Variants in ANKS1B observed in about 807,000 individuals in gnomAD.
ANKS1B encodes ankyrin repeat and sterile alpha motif domain containing 1B.
ANKS1B carries 36 observed loss-of-function variants against 148.3 expected under a neutral mutation model. That is an observed-to-expected ratio of 0.24 (90% CI 0.19 to 0.32). ANKS1B has a LOEUF of 0.32. ANKS1B is among the 10% of genes least tolerant of loss of function. The pLI, the probability that ANKS1B is intolerant of heterozygous loss-of-function variation, is 1.00. For missense variants in ANKS1B, 1,157 were observed against 1,542.6 expected (o/e 0.75, Z 4.19); for synonymous variants, 542 against 560.8 (o/e 0.97, Z 0.47).
At chr12:99,155,344 T>C (rs1191143983) in intron 14 of ANKS1B, among the ~76,000 whole-genome samples, 1 of 152,174 alleles carries the variant, frequency 6.6e-6, no homozygotes, top group Non-Finnish European at 1.5e-5. Context: ...TATTTTTTTC[T>C]TTTTTGAAAT....
intron 12 of ANKS1B, among the ~76,000 whole-genome samples, 167 bp downstream of exon 12, chr12:99,399,464 G>C (rs2094344121): frequency 6.6e-6 from 1 of 152,026 alleles, no homozygotes; most frequent in South Asian, 2.1e-4. Context: ...TATTCAAAAA[G>C]AATATTACAG....
chr12:99,915,023 C>A (rs982434048), intron 1 of ANKS1B, among the ~76,000 whole-genome samples: 1 of 151,820 alleles, frequency 6.6e-6, no homozygotes, highest in African/African-American at 2.4e-5. Context: ...ATCAGGAGTT[C>A]AAGACCAACT....
rs1402972486 is a variant in ANKS1B at position 99,622,254 on chromosome 12, A to G, written c.1272+32813T>C. ...ATGCAGCAAAAGCACTGTTAGTAGG[A>G]AAGTTTATAGCACTAATTGCCTACT... On this transcript the variant is annotated intron_variant, in intron 9 of 26. Coordinates refer to ENST00000683438, the MANE Select transcript of ANKS1B (RefSeq NM_001352186.2). 2.0e-5 allele frequency among the ~76,000 whole-genome samples: 3 copies of G among 152,070 alleles called. No individual in the cohort carries two copies. The East Asian group carries it at 5.8e-4, about 29-fold the overall frequency.
At chr12:99,587,397 C>A (rs781436145) in intron 9 of ANKS1B, among the ~76,000 whole-genome samples, 14 of 152,084 alleles carry the variant, frequency 9.2e-5, no homozygotes, top group African/African-American at 3.4e-4. Context: ...AATAGAAAGC[C>A]TAAGAAGTTT....
chr12:99,299,485 C>T (rs1185517727), intron 12 of ANKS1B, among the ~76,000 whole-genome samples: 1 of 152,120 alleles, frequency 6.6e-6, no homozygotes, highest in African/African-American at 2.4e-5. Context: ...TACGCTTTTT[C>T]TTTCTTTATT....
chr12:99,931,207 G>A (rs2094606027), intron 1 of ANKS1B, among the ~76,000 whole-genome samples: 1 of 152,048 alleles, frequency 6.6e-6, no homozygotes, highest in African/African-American at 2.4e-5. Flanking sequence ...CGGGGGAGAG[G>A]GGAGGGATAG....
chr12:98,773,541 C>T (rs772778788), intron 24 of ANKS1B, among the ~76,000 whole-genome samples: 16 of 151,966 alleles, frequency 1.1e-4, no homozygotes, highest in Admixed American at 2.6e-4. Flanking sequence ...TGCAGCCTCC[C>T]GCTCCCAGGT....
intron 1 of ANKS1B, among the ~76,000 whole-genome samples, chr12:99,880,900 A>G (rs1050159830): frequency 1.3e-5 from 2 of 152,154 alleles, no homozygotes; most frequent in African/African-American, 4.8e-5. Context: ...TTTGCTGATT[A>G]TTTTTCTCCA....
chr12:98,884,332 G>A lies in ANKS1B; in HGVS notation c.2779-52196C>T, dbSNP rs2052427. Reference sequence around the variant, plus strand: ...ACTTTACATACATATAACCTGATACGTTTGTACTGAAAGATTTCAGACATT... The same window carrying A: ...ACTTTACATACATATAACCTGATACATTTGTACTGAAAGATTTCAGACATT... On this transcript the variant is annotated intron_variant, in intron 17 of 26. Coordinates refer to ENST00000683438, the MANE Select transcript of ANKS1B (RefSeq NM_001352186.2). Among the ~76,000 whole-genome samples the A allele has an allele frequency of 9.5e-3, 1,440 of 152,174 alleles. 16 individuals carry two copies. The highest frequency in any genetic ancestry group is 0.033 in the African/African-American group (1,357 of 41,510).
chr12:99,411,917 G>C (rs983046042), intron 11 of ANKS1B, among the ~76,000 whole-genome samples: 2 of 152,108 alleles, frequency 1.3e-5, no homozygotes, highest in Non-Finnish European at 2.9e-5. Flanking sequence ...TCATTAATTT[G>C]CTAGGAAATA....
At chr12:99,384,351 G>A (rs961206889) in intron 12 of ANKS1B, among the ~76,000 whole-genome samples, 12 of 152,040 alleles carry the variant, frequency 7.9e-5, no homozygotes, top group South Asian at 4.1e-4. Context: ...TGACAATACC[G>A]TTTGTCCTAT....
intron 8 of ANKS1B, among the ~76,000 whole-genome samples, chr12:99,666,773 G>A (rs2098509287): frequency 6.6e-6 from 1 of 151,372 alleles, no homozygotes. Context: ...AAGGTGTATG[G>A]CATATTATTT....
intron 1 of ANKS1B, among the ~76,000 whole-genome samples, chr12:99,965,009 A>G (rs1225472758): frequency 6.6e-6 from 1 of 152,226 alleles, no homozygotes; most frequent in Admixed American, 6.5e-5. Flanking sequence ...TCATATTTTT[A>G]ATAACTATAG....
At chr12:99,238,182 T>C (rs2153960082) in intron 14 of ANKS1B, among the ~76,000 whole-genome samples, 1 of 152,322 alleles carries the variant, frequency 6.6e-6, no homozygotes, top group East Asian at 1.9e-4. Flanking sequence ...GGAGAAATGG[T>C]ACACTCCTGA....
intron 9 of ANKS1B, among the ~76,000 whole-genome samples, chr12:99,555,478 G>T (rs921746840): frequency 6.6e-6 from 1 of 152,096 alleles, no homozygotes; most frequent in African/African-American, 2.4e-5. Flanking sequence ...GTACGATATT[G>T]AATACAAGTG....
chr12:99,408,375 G>A (rs1243865694), intron 11 of ANKS1B, among the ~76,000 whole-genome samples: 1 of 145,714 alleles, frequency 6.9e-6, no homozygotes, highest in East Asian at 1.9e-4. Context: ...TTAAATCTAA[G>A]ACCTCAAACT....
intron 17 of ANKS1B, among the ~76,000 whole-genome samples, chr12:98,878,860 G>C (rs1204652593): frequency 6.6e-6 from 1 of 152,112 alleles, no homozygotes; most frequent in Non-Finnish European, 1.5e-5. Context: ...TTCACCCCTT[G>C]CATACAAAGC....
At chr12:98,992,156 T>C (rs1375834909) in intron 17 of ANKS1B, among the ~76,000 whole-genome samples, 1 of 152,156 alleles carries the variant, frequency 6.6e-6, no homozygotes, top group Non-Finnish European at 1.5e-5. Flanking sequence ...TTCACCAAAT[T>C]CTAGCCACAC....
At chr12:99,623,055 G>T (rs80122232) in intron 9 of ANKS1B, among the ~76,000 whole-genome samples, 1,746 of 151,996 alleles carry the variant, frequency 0.011, 37 homozygotes, top group African/African-American at 0.04. Context: ...ATTTTACCAT[G>T]ATCACACAGA....
Sources: gnomAD v4.1 joint callset for allele counts (sites outside exome capture counted in the v4.1 genomes callset) on GRCh38, gnomAD v4.1.1 for gene constraint, MANE v1.5 for transcripts, NCBI Gene and HGNC (gene_info 2026-07-23, HGNC 2026-07-21) for gene names.